KRT38: variants seen among roughly 807,000 people sequenced by gnomAD.
KRT38 encodes keratin, type I cuticular Ha8.
Under a neutral mutation model 43.1 loss-of-function variants are expected in KRT38, and 45 were observed. That is an observed-to-expected ratio of 1.04 (90% CI 0.82 to 1.34). KRT38 has a LOEUF of 1.34. Ranked by LOEUF, KRT38 falls within the 40% of genes most tolerant of loss-of-function variation. The probability of loss-of-function intolerance (pLI) is 0.00; values close to 1 mark genes in which losing one functional copy is unlikely to be tolerated. For missense variants in KRT38, 627 were observed against 586.2 expected (o/e 1.07, Z -0.72); for synonymous variants, 258 against 244.0 (o/e 1.06, Z -0.53).
In KRT38 at chr17:41,437,296, G is replaced by T; in HGVS notation, c.*116C>A. The T allele has an allele frequency of 9.3e-7, 1 of 1,080,732 alleles. No individual in the cohort carries two copies. Among genetic ancestry groups the T allele is most frequent in the Non-Finnish European group, 1.2e-6 (1 of 811,004 alleles). The allele number at this position is 1,080,732 out of a possible 1,614,324, so 66.9% of individuals were successfully genotyped here. A position where few individuals can be genotyped will look rare whatever the true frequency, so the allele number is the denominator to read the frequency against. ...ATTCCACTGTCCCTGGTATCTCATA[G>T]CCTTTGGACAGGCCTATACATACAG... On this transcript the variant is annotated 3_prime_UTR_variant, in exon 7 of 7. Transcript: ENST00000246646.
Position 41,440,741 on chromosome 17 carries a change from G to C in KRT38, c.181C>G (p.Pro61Ala). 1 of 1,614,080 alleles carries C rather than the reference G, an allele frequency of 6.2e-7. No individual in the cohort carries two copies. The highest frequency in any genetic ancestry group is 1.3e-5 in the African/African-American group (1 of 75,072). Residue 61 changes from proline to alanine, a missense_variant, in exon 1 of 7, where the codon CCC becomes GCC. Transcript: ENST00000246646. The stretch of plus-strand genomic sequence containing the variant: ...AGACAGAGGCTGGGGCGGCCCAGGG[G>C]AGTGGACCCCACACGGACTCGGTTG... ...HANRVRVGST[P>A]LGRPSLCLPP...
Position 41,436,723 on chromosome 17 carries a change from T to C in KRT38, c.*689A>G, listed in dbSNP as rs563885655. 4 of 152,326 alleles carry C rather than the reference T, an allele frequency of 2.6e-5. No homozygotes were observed. In the South Asian group the frequency reaches 6.2e-4, roughly 24 times the overall value. The allele number at this position is 152,326 out of a possible 1,614,324, so 9.4% of individuals were successfully genotyped here. On this transcript the variant is annotated 3_prime_UTR_variant, in exon 7 of 7. Transcript: ENST00000246646. ...ATAGAGAAAAAAGAGAGAAATTTCTTAATCTGAAAGTTCCTTTCACATAGC... is the reference window on the plus strand; with the variant it reads ...ATAGAGAAAAAAGAGAGAAATTTCTCAATCTGAAAGTTCCTTTCACATAGC...
chr17:41,439,978 A>ATATG (rs1266976231), intron 2 of KRT38, among the ~76,000 whole-genome samples, 183 bp downstream of exon 2: 1 of 152,176 alleles, frequency 6.6e-6, no homozygotes, highest in Admixed American at 6.5e-5. Context: ...AGACAAACAT[A>ATATG]TATGCTTGGA....
At chr17:41,440,107 A>T in intron 2 of KRT38, 54 bp downstream of exon 2, 1 of 1,383,520 alleles carries the variant, frequency 7.2e-7, no homozygotes, top group African/African-American at 1.4e-5. Context: ...GTATTTGGGC[A>T]TTGGGATGGA....
chr17:41,440,591 G>A lies in KRT38; in HGVS notation c.331C>T (p.Leu111=). Residue 111 remains leucine, a synonymous_variant, in exon 1 of 7, where the codon CTG becomes TTG. Coordinates refer to ENST00000246646, the MANE Select transcript of KRT38 (RefSeq NM_006771.4). Reference sequence around the variant, plus strand: ...AGGTAGTTGGCCAGGCGGTCATTCAGGAACTGCATGGTCTCCTTCTCATGG... The same window carrying A: ...AGGTAGTTGGCCAGGCGGTCATTCAAGAACTGCATGGTCTCCTTCTCATGG... The part of the protein sequence containing the change: ...NGHEKETMQF[L]NDRLANYLEK... 1 of 1,614,212 alleles carries A rather than the reference G, an allele frequency of 6.2e-7. No individual in the cohort carries two copies. The highest frequency in any genetic ancestry group is 8.5e-7 in the Non-Finnish European group (1 of 1,180,048).
chr17:41,438,069 A>G (rs1567695667), intron 6 of KRT38, 24 bp downstream of exon 6: 1 of 1,610,462 alleles, frequency 6.2e-7, no homozygotes, highest in African/African-American at 1.3e-5. Flanking sequence ...TAATTTGGCC[A>G]GGAATTGCCC....
chr17:41,437,402 C>T lies in KRT38; in HGVS notation c.*10G>A. On this transcript the variant is annotated 3_prime_UTR_variant, in exon 7 of 7. Coordinates refer to ENST00000246646, the MANE Select transcript of KRT38 (RefSeq NM_006771.4). The stretch of plus-strand genomic sequence containing the variant: ...CTCGCCTTAGCCAGCCCCTGTGGGT[C>T]CACAGGAATTCAGAATCGGCTTCCG... 1 of 1,556,892 alleles carries T rather than the reference C, an allele frequency of 6.4e-7. No homozygotes were observed. The highest frequency in any genetic ancestry group is 8.6e-7 in the Non-Finnish European group (1 of 1,156,718).
rs749811097 is a variant in KRT38 at position 41,440,777 on chromosome 17, C to T, written c.145G>A (p.Val49Met). ...ACACGGACTCGGTTGGCATGTGCCA[C>T]GTTGGCCAAAAGGCACATGGGGGCA... ...NIAPMCLLAN[V>M]AHANRVRVGS... The change falls in exon 1 of 7, where the codon GTG (valine) becomes ATG (methionine). Residue 49 changes from valine (V) to methionine (M), a missense_variant. Coordinates refer to ENST00000246646, the MANE Select transcript of KRT38 (RefSeq NM_006771.4). 2.2e-5 allele frequency: 36 copies of T among 1,613,174 alleles called. No homozygotes were observed. The highest frequency in any genetic ancestry group is 2.7e-5 in the African/African-American group (2 of 74,922).
intron 3 of KRT38, 101 bp downstream of exon 3, chr17:41,439,102 G>T (rs2071606): frequency 0.28 from 403,222 of 1,416,648 alleles, 60,121 homozygotes; most frequent in South Asian, 0.36. Flanking sequence ...CCTGCATCCT[G>T]ATGCCAGCTG....
Position 41,440,471 on chromosome 17 carries a change from AG to A in KRT38, c.450del (p.Tyr151ThrfsTer25), listed in dbSNP as rs2018782678. ...TCGATGGTGTGGAAGTAAGACTGGT[AG>A]TCGGGGCACACGGTGGACTCGTGGC... is the stretch of plus-strand genomic sequence containing the variant. ...SKCHESTVCPDYQSYFHTIEE... is the reference protein window; with the variant it reads ...SKCHESTVCPXYQSYFHTIEE... On this transcript the variant is annotated frameshift_variant, in exon 1 of 7. Transcript: ENST00000246646. LOFTEE classifies it high-confidence loss of function. The A allele has an allele frequency of 1.9e-6, 3 of 1,614,110 alleles. No individual in the cohort carries two copies. The South Asian group carries it at 3.3e-5, about 18-fold the overall frequency.
At position 41,438,796 on chromosome 17, in the gene KRT38, G is replaced by A; in HGVS notation, c.795C>T (p.Pro265=). The change falls in exon 4 of 7, where the codon CCC becomes CCT. Residue 265 remains proline (P), a synonymous_variant. Coordinates refer to ENST00000246646, the MANE Select transcript of KRT38 (RefSeq NM_006771.4). The part of the protein sequence containing the change: ...EKLRIELDIE[P]TIDLNRVLGE... ...CCAGCACCCTGTTCAGGTCAATGGT[G>A]GGCTCAATGTCCAGCTCAATCCGGA... is the stretch of plus-strand genomic sequence containing the variant. 6.2e-7 allele frequency: 1 copy of A among 1,614,118 alleles called. No individual in the cohort carries two copies. Among genetic ancestry groups the A allele is most frequent in the Non-Finnish European group, 8.5e-7 (1 of 1,180,014 alleles).
chr17:41,438,474 G>A lies in KRT38; in HGVS notation c.1020+17C>T, dbSNP rs757937288. 6.2e-7 allele frequency: 1 copy of A among 1,614,214 alleles called. No individual in the cohort carries two copies. Among genetic ancestry groups the A allele is most frequent in the South Asian group, 1.1e-5 (1 of 91,086 alleles). On this transcript the variant is annotated intron_variant, in intron 5 of 6. Coordinates refer to ENST00000246646, the MANE Select transcript of KRT38 (RefSeq NM_006771.4). ...GCACGGGGCATTTGCAGTGCAGTGA[G>A]AGTGAAGGACACGTACCAAGGTGTG... is the stretch of plus-strand genomic sequence containing the variant.
intron 6 of KRT38, among the ~76,000 whole-genome samples, chr17:41,437,820 T>A (rs2144417558): frequency 1.3e-5 from 2 of 152,326 alleles, no homozygotes; most frequent in South Asian, 4.1e-4. Context: ...TCTATGGACA[T>A]ATCTCCTGTT....
chr17:41,440,417 T>C lies in KRT38; in HGVS notation c.492+13A>G. On this transcript the variant is annotated intron_variant, in intron 1 of 6. Coordinates refer to ENST00000246646, the MANE Select transcript of KRT38 (RefSeq NM_006771.4). ...TCTCAGACCCAGCACACCCAAGCGATCCCACACCTCACCTTCTGTTGGAGC... is the reference window on the plus strand; with the variant it reads ...TCTCAGACCCAGCACACCCAAGCGACCCCACACCTCACCTTCTGTTGGAGC... 1 of 1,611,620 alleles carries C rather than the reference T, an allele frequency of 6.2e-7. No individual in the cohort carries two copies. The highest frequency in any genetic ancestry group is 8.5e-7 in the Non-Finnish European group (1 of 1,178,088).
In KRT38 at chr17:41,437,368, T is replaced by A. The variant is rs9894044; in HGVS notation, c.*44A>T. ...TAAAGGTATAACAAGCATCTCTCTT[T>A]GGGTATCCCTCGCCTTAGCCAGCCC... On this transcript the variant is annotated 3_prime_UTR_variant, in exon 7 of 7. Transcript: ENST00000246646. 6.7e-7 allele frequency: 1 copy of A among 1,488,942 alleles called. No individual in the cohort carries two copies. The highest frequency in any genetic ancestry group is 2.6e-5 in the East Asian group (1 of 38,556). 92.2% of individuals were successfully genotyped at this position (1,488,942 alleles called of 1,614,324 possible). A position where few individuals can be genotyped will look rare whatever the true frequency, so the allele number is the denominator to read the frequency against.
At position 41,436,844 on chromosome 17, in the gene KRT38, C is replaced by G. The variant is rs1336501547; in HGVS notation, c.*568G>C. ...GCTAGAAACCCTGAAGTAGAGAAAA[C>G]TCAGGATTTGATACAAGGAAAGTTT... On this transcript the variant is annotated 3_prime_UTR_variant, in exon 7 of 7. Coordinates refer to ENST00000246646, the MANE Select transcript of KRT38 (RefSeq NM_006771.4). 6.6e-6 allele frequency: 1 copy of G among 152,186 alleles called. No individual in the cohort carries two copies. Among genetic ancestry groups the G allele is most frequent in the Admixed American group, 6.5e-5 (1 of 15,278 alleles). The allele number at this position is 152,186 out of a possible 1,614,324, so 9.4% of individuals were successfully genotyped here.
chr17:41,438,281 G>C lies in KRT38; in HGVS notation c.1053C>G (p.Ala351=), dbSNP rs550682328. 1.2e-6 allele frequency: 2 copies of C among 1,614,122 alleles called. No homozygotes were observed. The highest frequency in any genetic ancestry group is 1.1e-5 in the South Asian group (1 of 91,084). The change falls in exon 6 of 7, where the codon GCC becomes GCG. Residue 351 remains alanine, a synonymous_variant. Coordinates refer to ENST00000246646, the MANE Select transcript of KRT38 (RefSeq NM_006771.4). ...CCAGCTCCGTGCCGAAGCGGTCCTCGGCTTCACACAGGGAGTTCTGCAGAC... is the reference window on the plus strand; with the variant it reads ...CCAGCTCCGTGCCGAAGCGGTCCTCCGCTTCACACAGGGAGTTCTGCAGAC... ...KDCLQNSLCE[A]EDRFGTELAQ...
chr17:41,440,713 G>A lies in KRT38; in HGVS notation c.209C>T (p.Pro70Leu), dbSNP rs376056884. Residue 70 changes from proline (P) to leucine (L), a missense_variant, in exon 1 of 7, where the codon CCG (proline) becomes CTG (leucine). By Grantham distance (98) the Pro-to-Leu change is moderately conservative. Coordinates refer to ENST00000246646, the MANE Select transcript of KRT38 (RefSeq NM_006771.4). ...GGGACAAGCAGTGTGGCAGGTAGGC[G>A]GCAGACAGAGGCTGGGGCGGCCCAG... ...TPLGRPSLCL[P>L]PTCHTACPLP... 157 of 1,614,204 alleles carry A rather than the reference G, an allele frequency of 9.7e-5. No homozygotes were observed. Among genetic ancestry groups the A allele is most frequent in the East Asian group, 1.3e-4 (6 of 44,886 alleles).
chr17:41,438,480 A>C lies in KRT38; in HGVS notation c.1020+11T>G. 6.2e-7 allele frequency: 1 copy of C among 1,614,182 alleles called. No homozygotes were observed. Among genetic ancestry groups the C allele is most frequent in the Non-Finnish European group, 8.5e-7 (1 of 1,180,016 alleles). ...GGCATTTGCAGTGCAGTGAGAGTGA[A>C]GGACACGTACCAAGGTGTGCTGGGC... On this transcript the variant is annotated intron_variant, in intron 5 of 6. Coordinates refer to ENST00000246646, the MANE Select transcript of KRT38 (RefSeq NM_006771.4).
Sources: gnomAD v4.1 joint callset for allele counts (sites outside exome capture counted in the v4.1 genomes callset) on GRCh38, gnomAD v4.1.1 for gene constraint, MANE v1.5 for transcripts, NCBI Gene and HGNC (gene_info 2026-07-23, HGNC 2026-07-21) for gene names.